Variants in MYLK4 observed in about 807,000 individuals in gnomAD.
The protein encoded by MYLK4 is myosin light chain kinase family member 4.
A neutral mutation model predicts 48.1 loss-of-function variants in MYLK4; 46 were observed. The ratio of observed to expected loss-of-function variants is 0.96; its 90% CI spans 0.75 to 1.22. The LOEUF (loss-of-function observed/expected upper bound fraction) is 1.22, where lower values mean the gene tolerates loss of function less well. MYLK4 is among the 50% of genes most tolerant of loss of function. MYLK4 has a pLI of 0.00. For missense variants in MYLK4, 451 were observed against 486.1 expected, an observed-to-expected ratio of 0.93 and a Z score of 0.68; for synonymous variants, 170 against 180.8, an observed-to-expected ratio of 0.94 and a Z score of 0.48.
intron 2 of MYLK4, among the ~76,000 whole-genome samples, chr6:2,701,640 C>T (rs932100576): frequency 6.6e-5 from 10 of 152,194 alleles, no homozygotes; most frequent in Non-Finnish European, 1.5e-4. Context: ...ATACAAACTG[C>T]GTAGGTAAAA....
chr6:2,765,784 G>C, the MYLK4 span: 18 of 1,433,518 alleles, frequency 1.3e-5, no homozygotes, highest in Non-Finnish European at 1.6e-5. Context: ...CGGCCGGGTC[G>C]CACCGCGCCG....
chr6:2,700,644 C>A (rs1023017037), intron 2 of MYLK4, among the ~76,000 whole-genome samples: 5 of 152,122 alleles, frequency 3.3e-5, no homozygotes, highest in Non-Finnish European at 5.9e-5. Context: ...AGGTAAACGG[C>A]CCTGAGACCC....
intron 2 of MYLK4, among the ~76,000 whole-genome samples, chr6:2,719,049 G>C (rs1411682134): frequency 6.6e-6 from 1 of 152,180 alleles, no homozygotes; most frequent in African/African-American, 2.4e-5. Flanking sequence ...TGTTCTTGCA[G>C]ACAGACCATA....
chr6:2,759,065 T>C, the MYLK4 span, among the ~76,000 whole-genome samples: 3 of 152,202 alleles, frequency 2.0e-5, no homozygotes, highest in Non-Finnish European at 4.4e-5. Context: ...CAATAGCATA[T>C]CATTTATAAA....
At chr6:2,764,234 C>T in the MYLK4 span, among the ~76,000 whole-genome samples, 2,452 of 152,222 alleles carry the variant, frequency 0.016, 73 homozygotes, top group African/African-American at 0.057. Flanking sequence ...TATTTTTGAG[C>T]CTAACTTTTT....
intron 2 of MYLK4, among the ~76,000 whole-genome samples, chr6:2,746,573 T>C (rs1582130754): frequency 6.6e-6 from 1 of 152,200 alleles, no homozygotes; most frequent in South Asian, 2.1e-4. Flanking sequence ...CTAAAGAAAC[T>C]GCACTGCAAG....
At chr6:2,712,122 C>G (rs769624955) in intron 2 of MYLK4, among the ~76,000 whole-genome samples, 1 of 152,152 alleles carries the variant, frequency 6.6e-6, no homozygotes, top group Non-Finnish European at 1.5e-5. Context: ...CACTAATGCT[C>G]ACTGTAATCT....
intron 3 of MYLK4, among the ~76,000 whole-genome samples, chr6:2,691,118 C>A (rs1761780414): frequency 6.6e-6 from 1 of 152,172 alleles, no homozygotes; most frequent in Non-Finnish European, 1.5e-5. Context: ...GCGTGAGCCA[C>A]CGCACCCAGC....
the MYLK4 span, among the ~76,000 whole-genome samples, chr6:2,762,782 A>T: frequency 2.6e-5 from 4 of 152,310 alleles, no homozygotes; most frequent in Admixed American, 6.5e-5. Flanking sequence ...CCGGCTCAGA[A>T]ATCAACTGGC....
At chr6:2,734,590 C>A (rs1763599764) in intron 2 of MYLK4, among the ~76,000 whole-genome samples, 1 of 151,874 alleles carries the variant, frequency 6.6e-6, no homozygotes, top group Non-Finnish European at 1.5e-5. Flanking sequence ...CAAGGAATAG[C>A]CTGAAAGACT....
intron 2 of MYLK4, among the ~76,000 whole-genome samples, chr6:2,722,331 T>C (rs1763099172): frequency 6.6e-6 from 1 of 152,186 alleles, no homozygotes; most frequent in Non-Finnish European, 1.5e-5. Context: ...AGGCAACCAA[T>C]AACTCCAGGG....
Position 2,667,729 on chromosome 6 carries a change from C to T in MYLK4, c.*196G>A, listed in dbSNP as rs7762519. 0.21 allele frequency: 32,735 copies of T among 152,590 alleles called. 3,869 individuals are homozygous for T. Among genetic ancestry groups the T allele is most frequent in the Middle Eastern group, 0.37 (108 of 294 alleles). 9.5% of individuals were successfully genotyped at this position (152,590 alleles called of 1,614,324 possible). ...ATGTGTTTGCGCCCTGAGACCAGAC[C>T]GCAGCGCTGGGTGTTCCTCTGAGCG... On this transcript the variant is annotated 3_prime_UTR_variant, in exon 13 of 13. Transcript: ENST00000274643.
intron 3 of MYLK4, among the ~76,000 whole-genome samples, chr6:2,690,821 A>ATT (rs1561842811): frequency 7.8e-6 from 1 of 127,812 alleles, no homozygotes; most frequent in African/African-American, 3.2e-5. Context: ...ATCTCTCTGA[A>ATT]TCTTTTTTTT....
intron 2 of MYLK4, among the ~76,000 whole-genome samples, chr6:2,700,462 T>C (rs974488481): frequency 1.3e-5 from 2 of 152,190 alleles, no homozygotes; most frequent in Non-Finnish European, 2.9e-5. Context: ...TGAGGCCTTC[T>C]TACCAGCCAG....
intron 2 of MYLK4, among the ~76,000 whole-genome samples, chr6:2,724,864 A>C (rs1763200507): frequency 6.6e-6 from 1 of 152,198 alleles, no homozygotes; most frequent in South Asian, 2.1e-4. Context: ...AACACAACTC[A>C]AGCATAGTAA....
At position 2,667,827 on chromosome 6, in the gene MYLK4, C is replaced by T. The variant is rs12193620; in HGVS notation, c.*98G>A. On this transcript the variant is annotated 3_prime_UTR_variant, in exon 13 of 13. Transcript: ENST00000274643. ...CCCTGCTAAGACTACCAGGTCATCA[C>T]AGGGGTCAAGGCATCAGAACTGCTG... is the stretch of plus-strand genomic sequence containing the variant. 0.38 allele frequency: 57,947 copies of T among 152,282 alleles called. 11,272 individuals carry two copies. Among genetic ancestry groups the T allele is most frequent in the Non-Finnish European group, 0.4 (27,342 of 67,900 alleles). 9.4% of individuals were successfully genotyped at this position (152,282 alleles called of 1,614,324 possible).
At chr6:2,759,720 A>G in the MYLK4 span, among the ~76,000 whole-genome samples, 1 of 152,210 alleles carries the variant, frequency 6.6e-6, no homozygotes, top group African/African-American at 2.4e-5. Context: ...CTTTCCCCTC[A>G]TCAATGATGT....
chr6:2,729,083 T>A (rs1365429345), intron 2 of MYLK4, among the ~76,000 whole-genome samples: 2 of 152,220 alleles, frequency 1.3e-5, no homozygotes, highest in African/African-American at 2.4e-5. Flanking sequence ...GTGCTCACGC[T>A]TGGGATCCCA....
At chr6:2,768,770 A>G in the MYLK4 span, 19 of 1,614,058 alleles carry the variant, frequency 1.2e-5, no homozygotes, top group Non-Finnish European at 1.5e-5. Flanking sequence ...ACAAATGCCA[A>G]GACAAATGAT....
Sources: allele counts gnomAD v4.1 joint callset (sites outside exome capture counted in the v4.1 genomes callset), GRCh38; gene constraint gnomAD v4.1.1; transcripts MANE v1.5; gene names NCBI Gene and HGNC (gene_info 2026-07-23, HGNC 2026-07-21).